TBC1D5: variants seen among roughly 807,000 people sequenced by gnomAD.
TBC1D5 encodes TBC1 domain family, member 5.
Under a neutral mutation model 100.3 loss-of-function variants are expected in TBC1D5, and 75 were observed. The ratio of observed to expected loss-of-function variants is 0.75; its 90% CI spans 0.62 to 0.91. The LOEUF (loss-of-function observed/expected upper bound fraction) is 0.91, where lower values mean the gene tolerates loss of function less well. TBC1D5 is among the 40% of genes least tolerant of loss of function. TBC1D5 has a pLI of 0.00. For synonymous variants in TBC1D5, 323 were observed against 325.6 expected (o/e 0.99, Z 0.09); for missense variants, 910 against 942.4 (o/e 0.97, Z 0.45).
At chr3:17,562,742 GCACAACATATTCCTGGATGGGAATGCT>G (rs2096567778) in intron 2 of TBC1D5, among the ~76,000 whole-genome samples, 1 of 152,156 alleles carries the variant, frequency 6.6e-6, no homozygotes, top group African/African-American at 2.4e-5. Flanking sequence ...AAATCAAGAT[GCACAACATATTCCTGGATGGGAATGCT>G]CATTATTGGG....
intron 3 of TBC1D5, among the ~76,000 whole-genome samples, chr3:17,437,642 G>C (rs1316767454): frequency 4.4e-5 from 6 of 137,194 alleles, no homozygotes; most frequent in African/African-American, 1.6e-4. Context: ...GAGAGAGAGA[G>C]AGGAAGGGAG....
chr3:17,318,294 G>A (rs901926568), intron 13 of TBC1D5, among the ~76,000 whole-genome samples: 2 of 151,544 alleles, frequency 1.3e-5, no homozygotes, highest in African/African-American at 4.9e-5. Flanking sequence ...GAGTTAATGG[G>A]TGCAGCACAC....
At chr3:17,379,501 C>CA (rs1239819056) in intron 9 of TBC1D5, among the ~76,000 whole-genome samples, 4 of 151,984 alleles carry the variant, frequency 2.6e-5, no homozygotes, top group Non-Finnish European at 2.9e-5. Flanking sequence ...TCACGTATTG[C>CA]AAAAACTATT....
chr3:17,258,515 T>C (rs1431120094), exon 16 of TBC1D5: 7 of 1,612,306 alleles, frequency 4.3e-6, no homozygotes, highest in Non-Finnish European at 5.9e-6. Context: ...CCGGCTTTTA[T>C]TCATGAGGTC....
chr3:17,644,953 C>CAAAAT lies in TBC1D5; in HGVS notation c.-100-21041_-100-21040insATTTT, dbSNP rs1230715615. ...CAAAACAAAACAAAACAAAACAAAA[C>CAAAAT]ACTCTTGGTCTAAAGCATGGCCATG... On this transcript the variant is annotated intron_variant, in intron 1 of 21. Coordinates refer to ENST00000253692, the Ensembl canonical transcript of TBC1D5. 4.0e-5 allele frequency among the ~76,000 whole-genome samples: 6 copies of CAAAAT among 151,780 alleles called. 2 individuals are homozygous for CAAAAT. In the South Asian group the frequency reaches 6.2e-4, roughly 16 times the overall value.
chr3:17,462,872 A>C (rs886721604), intron 3 of TBC1D5, among the ~76,000 whole-genome samples: 1 of 152,104 alleles, frequency 6.6e-6, no homozygotes, highest in African/African-American at 2.4e-5. Context: ...ATCTTCTTTT[A>C]CCTTGGTCAT....
intron 16 of TBC1D5, among the ~76,000 whole-genome samples, chr3:17,245,184 C>A (rs925558534): frequency 7.9e-5 from 12 of 152,082 alleles, no homozygotes; most frequent in Non-Finnish European, 1.6e-4. Context: ...CAGAGCAAGA[C>A]CTGATCTCAA....
chr3:17,477,966 G>C lies in TBC1D5; in HGVS notation c.97+30508C>G, dbSNP rs188137042. ...TTTAACCAGTTCATAATTCTGAATG[G>C]ATTTTAGAAAGATATTTTAGAGGTT... On this transcript the variant is annotated intron_variant, in intron 3 of 21. Transcript: ENST00000253692. Among the ~76,000 whole-genome samples, 1,374 of 152,084 alleles carry C rather than the reference G, an allele frequency of 9.0e-3. 13 individuals carry two copies. Among genetic ancestry groups the C allele is most frequent in the Middle Eastern group, 0.038 (11 of 292 alleles).
At chr3:17,560,742 G>A (rs1021155212) in intron 2 of TBC1D5, among the ~76,000 whole-genome samples, 7 of 151,780 alleles carry the variant, frequency 4.6e-5, no homozygotes, top group Non-Finnish European at 7.4e-5. Flanking sequence ...CCAACATGGT[G>A]AAATCCCATC....
At chr3:17,580,461 G>C (rs2096686653) in intron 2 of TBC1D5, among the ~76,000 whole-genome samples, 1 of 152,106 alleles carries the variant, frequency 6.6e-6, no homozygotes, top group African/African-American at 2.4e-5. Context: ...TCAACCAAAT[G>C]CTTTTTAACA....
chr3:17,306,393 A>C (rs1417103216), intron 14 of TBC1D5, among the ~76,000 whole-genome samples: 1 of 152,244 alleles, frequency 6.6e-6, no homozygotes, highest in Non-Finnish European at 1.5e-5. Flanking sequence ...TATTTTTAGG[A>C]GATCTCATCC....
At chr3:17,202,306 T>C (rs1450392981) in intron 18 of TBC1D5, among the ~76,000 whole-genome samples, 2 of 152,218 alleles carry the variant, frequency 1.3e-5, no homozygotes, top group Non-Finnish European at 2.9e-5. Context: ...AGTGTTCAAA[T>C]GCAGCCTGGC....
At position 17,713,244 on chromosome 3, in the gene TBC1D5, CT is replaced by C. The variant is rs770932378; in HGVS notation, c.-101+26098del. Among the ~76,000 whole-genome samples the C allele has an allele frequency of 2.3e-3, 322 of 139,802 alleles. 1 individual carries two copies. The highest frequency in any genetic ancestry group is 5.4e-3 in the Admixed American group (75 of 13,980). 91.7% of individuals were successfully genotyped at this position (139,802 alleles called of 152,430 possible). On this transcript the variant is annotated intron_variant, in intron 1 of 21. Coordinates refer to ENST00000253692, the Ensembl canonical transcript of TBC1D5. ...AATTATTGTGTTTTTCTTTTCTTTT[CT>C]TTTTTTTTTTTTTTGAGATGGAGTC...
chr3:17,311,953 T>C (rs1052305740), intron 13 of TBC1D5, among the ~76,000 whole-genome samples: 2 of 152,118 alleles, frequency 1.3e-5, no homozygotes, highest in Non-Finnish European at 2.9e-5. Context: ...TTTTAAATAA[T>C]CTATGCCTGT....
chr3:17,598,717 T>C (rs1193323435), intron 2 of TBC1D5, among the ~76,000 whole-genome samples: 1 of 152,176 alleles, frequency 6.6e-6, no homozygotes, highest in Non-Finnish European at 1.5e-5. Flanking sequence ...TCTTAGAAAA[T>C]AAGAGGGCAA....
intron 2 of TBC1D5, among the ~76,000 whole-genome samples, chr3:17,541,229 C>T (rs1367994040): frequency 6.7e-6 from 1 of 149,594 alleles, no homozygotes; most frequent in African/African-American, 2.5e-5. Flanking sequence ...GGGATTTTGA[C>T]AGGGATGCAC....
rs572316143 is a variant in TBC1D5, at chr3:17,522,393, A to T, written c.-35-13788T>A. Among the ~76,000 whole-genome samples, 148 of 152,272 alleles carry T rather than the reference A, an allele frequency of 9.7e-4. 2 individuals carry two copies. Among genetic ancestry groups the T allele is most frequent in the Non-Finnish European group, 1.7e-3 (113 of 67,988 alleles). The stretch of plus-strand genomic sequence containing the variant: ...AAACTATTTCAATTTCATTTGCATA[A>T]GAGGGAAAGACTAAAGCACTGAGAA... On this transcript the variant is annotated intron_variant, in intron 2 of 21. Transcript: ENST00000253692.
At position 17,680,265 on chromosome 3, in the gene TBC1D5, T is replaced by G. The variant is rs111908434; in HGVS notation, c.-100-56352A>C. ...TTTTTTTTTAAAGACAGGGTCTTGC[T>G]ATGTCATCCAGGCTGGAGTGCACTG... On this transcript the variant is annotated intron_variant, in intron 1 of 21. Transcript: ENST00000253692. Among the ~76,000 whole-genome samples, 690 of 150,884 alleles carry G rather than the reference T, an allele frequency of 4.6e-3. 37 individuals carry two copies. The highest frequency in any genetic ancestry group is 0.016 in the African/African-American group (664 of 40,372).
At chr3:17,205,561 C>T (rs1559406030) in intron 18 of TBC1D5, among the ~76,000 whole-genome samples, 1 of 152,134 alleles carries the variant, frequency 6.6e-6, no homozygotes, top group Non-Finnish European at 1.5e-5. Context: ...ACCATTTTGG[C>T]AATTAATACT....
Sources: allele counts gnomAD v4.1 joint callset (sites outside exome capture counted in the v4.1 genomes callset), GRCh38; gene constraint gnomAD v4.1.1; transcripts MANE v1.5; gene names NCBI Gene and HGNC (gene_info 2026-07-23, HGNC 2026-07-21).